Variants in TASP1 observed in about 807,000 individuals in gnomAD.
The protein encoded by TASP1 is threonine aspartase 1.
In TASP1, 16 loss-of-function variants were observed where a neutral mutation model predicts 56.6. The ratio of observed to expected loss-of-function variants is 0.28; its 90% CI spans 0.19 to 0.43. The LOEUF (loss-of-function observed/expected upper bound fraction) is 0.43, where lower values mean the gene tolerates loss of function less well. Ranked by LOEUF, TASP1 falls within the 20% of genes least tolerant of loss-of-function variation. The pLI, the probability that TASP1 is intolerant of heterozygous loss-of-function variation, is 1.00. For missense variants in TASP1, 393 were observed against 511.6 expected (o/e 0.77, Z 2.24); for synonymous variants, 179 against 184.2 (o/e 0.97, Z 0.23).
chr20:13,251,387 T>C, the TASP1 span, among the ~76,000 whole-genome samples: 1 of 152,026 alleles, frequency 6.6e-6, no homozygotes, highest in Non-Finnish European at 1.5e-5. Context: ...TGATGGAGAG[T>C]GTGAAGGACT....
intron 11 of TASP1, among the ~76,000 whole-genome samples, chr20:13,474,746 C>A (rs1261980419): frequency 6.6e-6 from 1 of 152,202 alleles, no homozygotes; most frequent in Non-Finnish European, 1.5e-5. Context: ...ATTCACATTT[C>A]TACCAGCAGT....
chr20:13,241,943 G>A, the TASP1 span, among the ~76,000 whole-genome samples: 1 of 152,062 alleles, frequency 6.6e-6, no homozygotes, highest in Non-Finnish European at 1.5e-5. Context: ...GCAGAGTTGA[G>A]GGCCGTTGCA....
the TASP1 span, among the ~76,000 whole-genome samples, chr20:13,263,626 A>G: frequency 0.018 from 2,700 of 152,354 alleles, 41 homozygotes; most frequent in Non-Finnish European, 0.028. Context: ...TGTTCCAGAC[A>G]AAATCGATGC....
intron 12 of TASP1, among the ~76,000 whole-genome samples, chr20:13,425,296 T>C (rs1039410322): frequency 3.3e-5 from 5 of 152,330 alleles, no homozygotes; most frequent in African/African-American, 1.2e-4. Flanking sequence ...TTCCCCAGGA[T>C]ACTTCTCTTT....
chr20:13,254,094 A>G, the TASP1 span, among the ~76,000 whole-genome samples: 4 of 150,190 alleles, frequency 2.7e-5, no homozygotes, highest in Admixed American at 2.7e-4. Context: ...AACATTAGGC[A>G]TGGTGGTACA....
At chr20:13,353,723 C>CA in the TASP1 span, among the ~76,000 whole-genome samples, 3 of 152,290 alleles carry the variant, frequency 2.0e-5, no homozygotes, top group East Asian at 5.8e-4. Context: ...CAGGCTCTGA[C>CA]ATTTGAAAGT....
At chr20:13,245,385 G>A in the TASP1 span, 2 of 152,206 alleles carry the variant, frequency 1.3e-5, no homozygotes, top group South Asian at 2.1e-4. Flanking sequence ...CAGAAAAAGA[G>A]TATGAGCAAG....
At chr20:13,515,494 C>T (rs972791349) in intron 10 of TASP1, among the ~76,000 whole-genome samples, 1 of 149,990 alleles carries the variant, frequency 6.7e-6, no homozygotes, top group Non-Finnish European at 1.5e-5. Flanking sequence ...TCATCCCAGA[C>T]CCACTGGATC....
chr20:13,411,580 G>A (rs1474397922), intron 13 of TASP1, among the ~76,000 whole-genome samples: 2 of 152,080 alleles, frequency 1.3e-5, no homozygotes, highest in Non-Finnish European at 2.9e-5. Flanking sequence ...TCTCCAGGCA[G>A]TTCATCATTG....
chr20:13,600,816 C>G (rs1170924913), intron 4 of TASP1, among the ~76,000 whole-genome samples: 1 of 152,002 alleles, frequency 6.6e-6, no homozygotes, highest in African/African-American at 2.4e-5. Flanking sequence ...TAGGTTAGTA[C>G]AAAAACATGT....
the TASP1 span, among the ~76,000 whole-genome samples, chr20:13,261,617 C>A: frequency 2.6e-5 from 4 of 152,180 alleles, no homozygotes; most frequent in Non-Finnish European, 5.9e-5. Context: ...GACCTTGAAA[C>A]TCCTGGCCCC....
chr20:13,121,680 G>T, the TASP1 span, among the ~76,000 whole-genome samples: 2 of 152,130 alleles, frequency 1.3e-5, no homozygotes, highest in African/African-American at 4.8e-5. Flanking sequence ...GGGAACGAGA[G>T]GGGGAATTAG....
the TASP1 span, chr20:13,299,039 C>T: frequency 6.2e-7 from 1 of 1,613,824 alleles, no homozygotes; most frequent in Non-Finnish European, 8.5e-7. This position sits in a 1 kb window ranked among gnomAD's most constrained non-coding sequence, Gnocchi z 5.8. Flanking sequence ...GCCCCTGCTC[C>T]TACCCCACTG....
At chr20:13,543,188 T>C (rs2045687690) in intron 8 of TASP1, among the ~76,000 whole-genome samples, 1 of 152,186 alleles carries the variant, frequency 6.6e-6, no homozygotes, top group South Asian at 2.1e-4. Context: ...TCTGCCTCAC[T>C]TGTACTTCAT....
At chr20:13,546,459 G>A (rs899546596) in intron 8 of TASP1, among the ~76,000 whole-genome samples, 1 of 152,166 alleles carries the variant, frequency 6.6e-6, no homozygotes, top group African/African-American at 2.4e-5. Flanking sequence ...GCCAAAAAAA[G>A]GCACAATCAC....
At chr20:13,222,461 T>A in the TASP1 span, among the ~76,000 whole-genome samples, 1 of 152,020 alleles carries the variant, frequency 6.6e-6, no homozygotes, top group Non-Finnish European at 1.5e-5. Context: ...TTGCTTCCAG[T>A]GTTCCTCTTC....
chr20:13,197,522 C>G, the TASP1 span, among the ~76,000 whole-genome samples: 1 of 152,136 alleles, frequency 6.6e-6, no homozygotes, highest in Non-Finnish European at 1.5e-5. Context: ...GCTAACAACC[C>G]CATTAAGATG....
At chr20:13,359,513 A>G in the TASP1 span, among the ~76,000 whole-genome samples, 5 of 151,508 alleles carry the variant, frequency 3.3e-5, no homozygotes, top group African/African-American at 4.9e-5. Context: ...AGTGGAAGGT[A>G]AGCCCGTCCC....
chr20:13,313,901 A>G, the TASP1 span, among the ~76,000 whole-genome samples: 1 of 152,244 alleles, frequency 6.6e-6, no homozygotes, highest in Non-Finnish European at 1.5e-5. Flanking sequence ...ATGCAAAAAT[A>G]AACTGGCAAT....
Sources: allele counts gnomAD v4.1 joint callset (sites outside exome capture counted in the v4.1 genomes callset), GRCh38; gene constraint gnomAD v4.1.1; non-coding constraint Gnocchi (gnomAD v3.1); transcripts MANE v1.5; gene names NCBI Gene and HGNC (gene_info 2026-07-23, HGNC 2026-07-21).